The following NKD2 variants were observed in gnomAD, a reference collection of about 807,000 sequenced individuals.
NKD2 encodes the protein protein naked cuticle homolog 2.
In NKD2, 43 loss-of-function variants were observed where a neutral mutation model predicts 34.8. The observed-to-expected ratio is 1.24, with a 90% CI of 0.97 to 1.60. The LOEUF (loss-of-function observed/expected upper bound fraction) is 1.60. Among genes scored for constraint, NKD2 ranks in the 40% most tolerant of loss-of-function variants. The pLI, the probability that NKD2 is intolerant of heterozygous loss-of-function variation, is 0.00. For missense variants in NKD2, 675 were observed against 627.1 expected (o/e 1.08, Z -0.82); for synonymous variants, 278 against 265.1 (o/e 1.05, Z -0.47).
intron 3 of NKD2, among the ~76,000 whole-genome samples, chr5:1,026,332 G>A (rs371653115): frequency 6.4e-3 from 156 of 24,566 alleles, no homozygotes; most frequent in African/African-American, 0.012. Context: ...TGGGCGTCTC[G>A]GTCCATTGTC....
chr5:1,028,714 C>T lies in NKD2; in HGVS notation c.142-3438C>T, dbSNP rs551031775. Among the ~76,000 whole-genome samples, 125 of 151,208 alleles carry T rather than the reference C, an allele frequency of 8.3e-4. 1 individual carries two copies. In the Middle Eastern group the frequency reaches 0.038, roughly 46 times the overall value. On this transcript the variant is annotated intron_variant, in intron 3 of 9. Coordinates refer to ENST00000296849, the MANE Select transcript of NKD2 (RefSeq NM_033120.4). ...CCCCAAACCGGAAGTGCAGCTGGGA[C>T]AGGAAGGGGGGCGGAACAGGTTGGG...
rs1313739611 is a variant in NKD2, at chr5:1,026,235, G to T, written c.142-5917G>T. Among the ~76,000 whole-genome samples the T allele has an allele frequency of 2.8e-3, 61 of 21,970 alleles. 3 individuals are homozygous for T. Among genetic ancestry groups the T allele is most frequent in the Middle Eastern group, 0.05 (1 of 20 alleles). 14.4% of individuals were successfully genotyped at this position (21,970 alleles called of 152,430 possible). On this transcript the variant is annotated intron_variant, in intron 3 of 9. Coordinates refer to ENST00000296849, the MANE Select transcript of NKD2 (RefSeq NM_033120.4). Reference sequence around the variant, plus strand: ...CCCATTGTCCCTGCTCTTCCCACCTGCTAGTGGGCGTCTCAGCCCATTGTC... The same window carrying T: ...CCCATTGTCCCTGCTCTTCCCACCTTCTAGTGGGCGTCTCAGCCCATTGTC...
chr5:1,010,976 C>T (rs957234994), intron 3 of NKD2, among the ~76,000 whole-genome samples: 1 of 152,176 alleles, frequency 6.6e-6, no homozygotes, highest in Non-Finnish European at 1.5e-5. Context: ...AAGGCCAGTG[C>T]GCTCTGGAAA....
rs866148155 is a variant in NKD2, at chr5:1,033,439, A to G, written c.270A>G (p.Gly90=). The G allele has an allele frequency of 3.8e-6, 6 of 1,577,622 alleles. No homozygotes were observed. The Middle Eastern group carries it at 5.0e-4, about 131-fold the overall frequency. Residue 90 remains glycine (G), a synonymous_variant, in exon 5 of 10, where the codon GGA becomes GGG. Coordinates refer to ENST00000296849, the MANE Select transcript of NKD2 (RefSeq NM_033120.4). ...HPGQLLSADD[G]ERAANREGPR... Reference sequence around the variant, plus strand: ...GACAACTCCTCAGCGCAGATGACGGAGAGAGGGCAGCAAACCGCGAGGGCC... The same window carrying G: ...GACAACTCCTCAGCGCAGATGACGGGGAGAGGGCAGCAAACCGCGAGGGCC...
rs1230092077 is a variant in NKD2, at chr5:1,009,461, C to T, written c.62-20C>T. ...CCCTCCTCGGTGCGGGTTTCCCGCGCGTCCGCCCCCGGACCGCAGGGGACA... is the reference window on the plus strand; with the variant it reads ...CCCTCCTCGGTGCGGGTTTCCCGCGTGTCCGCCCCCGGACCGCAGGGGACA... On this transcript the variant is annotated intron_variant, in intron 2 of 9. Transcript: ENST00000296849. The surrounding 1 kb of genome is among the most constrained non-coding windows in gnomAD (Gnocchi z 6.9). 1.9e-5 allele frequency: 29 copies of T among 1,489,922 alleles called. No individual in the cohort carries two copies. The highest frequency in any genetic ancestry group is 1.0e-4 in the South Asian group (8 of 79,916). 92.3% of individuals were successfully genotyped at this position (1,489,922 alleles called of 1,614,324 possible).
At position 1,038,943 on chromosome 5, in the gene NKD2, C is replaced by T; in HGVS notation, c.*570C>T. 1 of 176,434 alleles carries T rather than the reference C, an allele frequency of 5.7e-6. No homozygotes were observed. Among genetic ancestry groups the T allele is most frequent in the Non-Finnish European group, 1.0e-5 (1 of 100,112 alleles). 10.9% of individuals were successfully genotyped at this position (176,434 alleles called of 1,614,324 possible). A position where few individuals can be genotyped will look rare whatever the true frequency, so the allele number is the denominator to read the frequency against. ...GGCAGCAGTGCTAGAAAGAGAAGTG[C>T]CAGAGTAGGGAGTGCAGACCAGTGA... On this transcript the variant is annotated 3_prime_UTR_variant, in exon 10 of 10. Transcript: ENST00000296849. This position sits in a 1 kb window ranked among gnomAD's most constrained non-coding sequence, Gnocchi z 4.5.
intron 3 of NKD2, among the ~76,000 whole-genome samples, chr5:1,029,503 C>T (rs1756554549): frequency 6.6e-6 from 1 of 152,220 alleles, no homozygotes; most frequent in Non-Finnish European, 1.5e-5. Flanking sequence ...CTGCGCCCCT[C>T]CTTCTGTCAC....
At chr5:1,029,644 C>T (rs1445825828) in intron 3 of NKD2, among the ~76,000 whole-genome samples, 1 of 152,192 alleles carries the variant, frequency 6.6e-6, no homozygotes, top group Non-Finnish European at 1.5e-5. Flanking sequence ...GCGTGATGTG[C>T]TGTTTCTCAC....
rs758962124 is a variant in NKD2 at position 1,033,529 on chromosome 5, A to G, written c.330+30A>G. Reference sequence around the variant, plus strand: ...GTCTCTCTCCGGCCTCACTTGCGGGAACACGTCCCTGGGGCCGGGGGCTCA... The same window carrying G: ...GTCTCTCTCCGGCCTCACTTGCGGGGACACGTCCCTGGGGCCGGGGGCTCA... On this transcript the variant is annotated intron_variant, in intron 5 of 9. Transcript: ENST00000296849. 7 of 1,530,864 alleles carry G rather than the reference A, an allele frequency of 4.6e-6. No individual in the cohort carries two copies. In the East Asian group the frequency reaches 1.7e-4, roughly 38 times the overall value. The allele number at this position is 1,530,864 out of a possible 1,614,324, so 94.8% of individuals were successfully genotyped here.
At chr5:1,036,507 CCCCCACCCCA>C in intron 9 of NKD2, 123 bp downstream of exon 9, 1 of 606,956 alleles carries the variant, frequency 1.6e-6, no homozygotes, top group Non-Finnish European at 2.7e-6. Context: ...CCCCCAACCC[CCCCCACCCCA>C]CCCCACCCAG....
intron 3 of NKD2, among the ~76,000 whole-genome samples, chr5:1,019,085 T>C (rs896031577): frequency 3.3e-5 from 5 of 152,142 alleles, no homozygotes; most frequent in African/African-American, 1.2e-4. Flanking sequence ...GTGGCGGGGC[T>C]GTGATTGCCT....
chr5:1,029,589 C>T (rs1223307083), intron 3 of NKD2, among the ~76,000 whole-genome samples: 1 of 152,156 alleles, frequency 6.6e-6, no homozygotes, highest in Admixed American at 6.5e-5. Flanking sequence ...AAACACGGCA[C>T]GGGCTGCGTT....
At chr5:1,027,388 T>C (rs970892682) in intron 3 of NKD2, among the ~76,000 whole-genome samples, 3 of 152,030 alleles carry the variant, frequency 2.0e-5, no homozygotes, top group Admixed American at 6.5e-5. Context: ...AGACTTGGGG[T>C]TCCACACCCA....
chr5:1,032,194 G>A lies in NKD2; in HGVS notation c.184G>A (p.Asp62Asn). 3 of 1,609,882 alleles carry A rather than the reference G, an allele frequency of 1.9e-6. No homozygotes were observed. Among genetic ancestry groups the A allele is most frequent in the African/African-American group, 1.3e-5 (1 of 74,834 alleles). Residue 62 changes from aspartate (D) to asparagine (N), a missense_variant, in exon 4 of 10, where the codon GAC becomes AAC. Asp to Asn is a conservative substitution (Grantham distance 23). Coordinates refer to ENST00000296849, the MANE Select transcript of NKD2 (RefSeq NM_033120.4). ...GDPKEGPFRE[D>N]QCPLQVALPA... ...CCCCAAGGAGGGGCCTTTCCGGGAGGACCAGTGTCCCCTACAGGGTGAGTG... is the reference window on the plus strand; with the variant it reads ...CCCCAAGGAGGGGCCTTTCCGGGAGAACCAGTGTCCCCTACAGGGTGAGTG...
chr5:1,037,964 C>A lies in NKD2; in HGVS notation c.947C>A (p.Ala316Asp). 1.9e-6 allele frequency: 3 copies of A among 1,605,676 alleles called. No individual in the cohort carries two copies. ...CCAGCCTCGGAGCCTGCTGCCCGGG[C>A]CCTGGACACGCAGCCCCGGCCGAAG... is the stretch of plus-strand genomic sequence containing the variant. ...VVPASEPAAR[A>D]LDTQPRPKGP... is the part of the protein sequence containing the mutation. The change falls in exon 10 of 10, where the codon GCC becomes GAC. Residue 316 changes from alanine to aspartate, a missense_variant. By Grantham distance (126) the Ala-to-Asp change is moderately radical. Coordinates refer to ENST00000296849, the MANE Select transcript of NKD2 (RefSeq NM_033120.4).
chr5:1,037,310 A>C (rs944421349), intron 9 of NKD2, among the ~76,000 whole-genome samples: 8 of 152,074 alleles, frequency 5.3e-5, no homozygotes, highest in Non-Finnish European at 1.5e-5. Flanking sequence ...GATCAGGGTC[A>C]TGGGGGCTCA....
At position 1,035,788 on chromosome 5, in the gene NKD2, C is replaced by T. The variant is rs377117719; in HGVS notation, c.659+315C>T. ...CTCCACTCAGCAGCTTTGGGGGCAACAGGGCTGGGGGTGGCTGGGGCAGTG... is the reference window on the plus strand; with the variant it reads ...CTCCACTCAGCAGCTTTGGGGGCAATAGGGCTGGGGGTGGCTGGGGCAGTG... On this transcript the variant is annotated intron_variant, in intron 8 of 9. Transcript: ENST00000296849. 60 of 430,676 alleles carry T rather than the reference C, an allele frequency of 1.4e-4. 1 individual carries two copies. Among genetic ancestry groups the T allele is most frequent in the African/African-American group, 7.3e-4 (36 of 49,022 alleles). The allele number at this position is 430,676 out of a possible 1,614,324, so 26.7% of individuals were successfully genotyped here.
At chr5:1,034,023 A>C (rs1733665047) in intron 5 of NKD2, 1 of 591,202 alleles carries the variant, frequency 1.7e-6, no homozygotes, top group Non-Finnish European at 3.0e-6. Context: ...ACAGGGCACA[A>C]AGCTGGGTCC....
intron 3 of NKD2, among the ~76,000 whole-genome samples, chr5:1,029,705 C>T (rs992426285): frequency 1.3e-5 from 2 of 152,194 alleles, no homozygotes; most frequent in Non-Finnish European, 2.9e-5. Context: ...TTAAAAAATA[C>T]TCCACCCCGT....
Sources: gnomAD v4.1 joint callset for allele counts (sites outside exome capture counted in the v4.1 genomes callset) on GRCh38, gnomAD v4.1.1 for gene constraint, Gnocchi (gnomAD v3.1) non-coding constraint, MANE v1.5 for transcripts, NCBI Gene and HGNC (gene_info 2026-07-23, HGNC 2026-07-21) for gene names.